The following DDX1 variants were observed in gnomAD, a reference collection of about 807,000 sequenced individuals.
The protein encoded by DDX1 is ATP-dependent RNA helicase DDX1.
A neutral mutation model predicts 108.7 loss-of-function variants in DDX1; 28 were observed. That is an observed-to-expected ratio of 0.26 (90% CI 0.19 to 0.35). The LOEUF (loss-of-function observed/expected upper bound fraction) is 0.35. Among genes scored for constraint, DDX1 ranks in the 10% least tolerant of loss-of-function variants. The probability of loss-of-function intolerance (pLI) is 1.00; values close to 1 mark genes in which losing one functional copy is unlikely to be tolerated. For missense variants in DDX1, 710 were observed against 884.5 expected (o/e 0.80, Z 2.50); for synonymous variants, 295 against 288.9 (o/e 1.02, Z -0.21).
chr2:15,602,501 TA>T (rs1665603045), intron 6 of DDX1, 46 bp from the exon 7 acceptor site: 4 of 1,409,126 alleles, frequency 2.8e-6, no homozygotes, highest in Non-Finnish European at 4.0e-6. Context: ...GTATGATTTA[TA>T]AAACCTGTAC....
chr2:15,595,663 CT>C, intron 3 of DDX1, 110 bp downstream of exon 3: 1 of 809,746 alleles, frequency 1.2e-6, no homozygotes, highest in Non-Finnish European at 2.1e-6. Flanking sequence ...GATACATATA[CT>C]GTATTCAGAC....
At chr2:15,599,773 T>C (rs1665558945) in intron 6 of DDX1, 57 bp downstream of exon 6, 1 of 1,246,542 alleles carries the variant, frequency 8.0e-7, no homozygotes, top group African/African-American at 1.5e-5. Context: ...TAAAAAATAA[T>C]ACATGAGAAC....
At chr2:15,597,543 G>A in intron 5 of DDX1, 72 bp downstream of exon 5, 1 of 1,014,260 alleles carries the variant, frequency 9.9e-7, no homozygotes, top group South Asian at 1.5e-5. Context: ...AGGAAAGTGA[G>A]ATTTGGGTAT....
rs773728749 is a variant in DDX1 at position 15,628,772 on chromosome 2, TA to T, written c.1833-24del. The T allele has an allele frequency of 2.5e-4, 396 of 1,613,570 alleles. 1 individual carries two copies. The highest frequency in any genetic ancestry group is 1.2e-4 in the Non-Finnish European group (136 of 1,179,676). Reference sequence around the variant, plus strand: ...TGTATGCTTTAGGAATAAAGTCTAATAGAAGGCTTTTAACCATCTTTCAGGA... The same window carrying T: ...TGTATGCTTTAGGAATAAAGTCTAATGAAGGCTTTTAACCATCTTTCAGGA... On this transcript the variant is annotated intron_variant, in intron 22 of 25. Coordinates refer to ENST00000233084, the MANE Select transcript of DDX1 (RefSeq NM_004939.3).
Position 15,623,771 on chromosome 2 carries a change from G to C in DDX1, c.1594+189G>C, listed in dbSNP as rs13389978. Reference sequence around the variant, plus strand: ...GGAAAAACAAGAGAGAATTTTCCACGTAGGTACATTTTCATTACAGTAAAC... The same window carrying C: ...GGAAAAACAAGAGAGAATTTTCCACCTAGGTACATTTTCATTACAGTAAAC... On this transcript the variant is annotated intron_variant, in intron 19 of 25. Transcript: ENST00000233084. 6.8e-3 allele frequency among the ~76,000 whole-genome samples: 1,031 copies of C among 152,176 alleles called. 10 individuals are homozygous for C. The highest frequency in any genetic ancestry group is 0.024 in the African/African-American group (980 of 41,516).
At chr2:15,615,878 A>G (rs775103444) in intron 14 of DDX1, among the ~76,000 whole-genome samples, 2 of 151,980 alleles carry the variant, frequency 1.3e-5, no homozygotes, top group Non-Finnish European at 2.9e-5. Context: ...TACACACTTT[A>G]TATATTTTTA....
In DDX1 at chr2:15,597,355, A is replaced by G; in HGVS notation, c.163-20A>G. On this transcript the variant is annotated intron_variant, in intron 4 of 25. Coordinates refer to ENST00000233084, the MANE Select transcript of DDX1 (RefSeq NM_004939.3). ...TTAATATGTGAATACTAATATAGAT[A>G]CCTTTTGTTTCTTTGATAGGCTTTT... is the stretch of plus-strand genomic sequence containing the variant. 2 of 1,464,222 alleles carry G rather than the reference A, an allele frequency of 1.4e-6. No homozygotes were observed. 90.7% of individuals were successfully genotyped at this position (1,464,222 alleles called of 1,614,324 possible).
At chr2:15,619,460 C>T (rs973893733) in intron 16 of DDX1, among the ~76,000 whole-genome samples, 4 of 152,216 alleles carry the variant, frequency 2.6e-5, no homozygotes, top group Non-Finnish European at 5.9e-5. Context: ...ACCACTGCAG[C>T]TCCTGCAGCC....
At chr2:15,629,078 C>CA (rs1350710839) in intron 23 of DDX1, among the ~76,000 whole-genome samples, 1 of 151,924 alleles carries the variant, frequency 6.6e-6, no homozygotes, top group African/African-American at 2.4e-5. Context: ...TCATTTCCAC[C>CA]AAAAAATATT....
chr2:15,605,771 A>G (rs1206507508), intron 10 of DDX1, among the ~76,000 whole-genome samples, 179 bp from the exon 11 acceptor site: 1 of 152,192 alleles, frequency 6.6e-6, no homozygotes, highest in Non-Finnish European at 1.5e-5. Flanking sequence ...GTAGAGGGGT[A>G]GAAGTGACAG....
At chr2:15,601,098 A>G (rs1353544117) in intron 6 of DDX1, among the ~76,000 whole-genome samples, 1 of 152,000 alleles carries the variant, frequency 6.6e-6, no homozygotes, top group Non-Finnish European at 1.5e-5. Context: ...ACCAATTCTG[A>G]GAATATAGAG....
intron 9 of DDX1, 104 bp downstream of exon 9, chr2:15,603,994 A>G (rs1465013080): frequency 4.1e-6 from 3 of 727,528 alleles, no homozygotes; most frequent in Admixed American, 3.2e-5. Flanking sequence ...CAAAATGAGC[A>G]GATTTTCTGT....
intron 13 of DDX1, among the ~76,000 whole-genome samples, chr2:15,612,234 C>A (rs544086603): frequency 1.1e-3 from 168 of 151,828 alleles, no homozygotes; most frequent in Non-Finnish European, 1.9e-3. Context: ...GGCGGTGACG[C>A]TCCTCACTTC....
intron 15 of DDX1, 53 bp from the exon 16 acceptor site, chr2:15,618,128 C>A (rs768589974): frequency 5.5e-6 from 6 of 1,100,486 alleles, no homozygotes; most frequent in South Asian, 1.7e-5. Context: ...TTAAAACTTA[C>A]GTTTTTTTCC....
chr2:15,603,675 C>T lies in DDX1; in HGVS notation c.476-139C>T, dbSNP rs554981908. On this transcript the variant is annotated intron_variant, in intron 8 of 25. Coordinates refer to ENST00000233084, the MANE Select transcript of DDX1 (RefSeq NM_004939.3). The stretch of plus-strand genomic sequence containing the variant: ...GGCCTAAGCACTGTTTAGTTTTTTG[C>T]AGGATTCAGAAACTTAGGGAATAGT... 138 of 643,130 alleles carry T rather than the reference C, an allele frequency of 2.1e-4. 1 individual carries two copies. Among genetic ancestry groups the T allele is most frequent in the African/African-American group, 1.7e-3 (91 of 54,420 alleles). The allele number at this position is 643,130 out of a possible 1,614,324, so 39.8% of individuals were successfully genotyped here. A position where few individuals can be genotyped will look rare whatever the true frequency, so the allele number is the denominator to read the frequency against.
chr2:15,597,402 G>C lies in DDX1; in HGVS notation c.190G>C (p.Val64Leu), dbSNP rs753461061. Reference protein sequence around the residue: ...GAFSIPVIQIVYETLKDQQEG... With the variant: ...GAFSIPVIQILYETLKDQQEG... Reference sequence around the variant, plus strand: ...TTTTAGTATTCCAGTTATCCAGATAGTTTATGAAACTCTGAAAGACCAACA... The same window carrying C: ...TTTTAGTATTCCAGTTATCCAGATACTTTATGAAACTCTGAAAGACCAACA... The change falls in exon 5 of 26, where the codon GTT becomes CTT. Residue 64 changes from valine to leucine, a missense_variant. Around this residue, in one of 3 missense-constraint regions of DDX1, gnomAD observed 661 missense variants for 810.2 expected, o/e 0.82. Coordinates refer to ENST00000233084, the MANE Select transcript of DDX1 (RefSeq NM_004939.3). 6.2e-7 allele frequency: 1 copy of C among 1,607,814 alleles called. No homozygotes were observed. Among genetic ancestry groups the C allele is most frequent in the African/African-American group, 1.3e-5 (1 of 74,496 alleles).
intron 13 of DDX1, among the ~76,000 whole-genome samples, chr2:15,612,608 G>A (rs1415882894): frequency 6.6e-6 from 1 of 151,680 alleles, no homozygotes; most frequent in Non-Finnish European, 1.5e-5. Flanking sequence ...ACGGGGTGGC[G>A]GCCGGGCAGA....
intron 1 of DDX1, among the ~76,000 whole-genome samples, chr2:15,594,505 G>A (rs1665468651): frequency 6.6e-6 from 1 of 152,170 alleles, no homozygotes; most frequent in Non-Finnish European, 1.5e-5. Flanking sequence ...GGGCCTTGAA[G>A]TAGAATTATT....
intron 9 of DDX1, 101 bp from the exon 10 acceptor site, chr2:15,604,336 T>G: frequency 1.3e-6 from 1 of 781,726 alleles, no homozygotes. Flanking sequence ...ATTTTTGATT[T>G]AAATAATTAT....
Sources: gnomAD v4.1 joint callset for allele counts (sites outside exome capture counted in the v4.1 genomes callset) on GRCh38, gnomAD v4.1.1 for gene constraint, gnomAD v4.1.1 regional missense constraint, MANE v1.5 for transcripts, NCBI Gene and HGNC (gene_info 2026-07-23, HGNC 2026-07-21) for gene names.